The following NKAIN3 variants were observed in gnomAD, a reference collection of about 807,000 sequenced individuals.
NKAIN3 encodes the protein sodium/potassium-transporting ATPase subunit beta-1-interacting protein 3.
NKAIN3 carries 25 observed loss-of-function variants against 30.2 expected under a neutral mutation model. That is an observed-to-expected ratio of 0.83 (90% CI 0.60 to 1.16). The LOEUF (loss-of-function observed/expected upper bound fraction) is 1.16. Among genes scored for constraint, NKAIN3 ranks in the 50% most tolerant of loss-of-function variants. NKAIN3 has a pLI of 0.00. For missense variants in NKAIN3, 225 were observed against 254.1 expected (o/e 0.89, Z 0.78); for synonymous variants, 91 against 89.6 (o/e 1.02, Z -0.09).
chr8:62,743,600 G>T (rs1285112223), intron 3 of NKAIN3, among the ~76,000 whole-genome samples: 3 of 152,188 alleles, frequency 2.0e-5, no homozygotes, highest in Non-Finnish European at 2.9e-5. Flanking sequence ...ACAGACTCAG[G>T]CATGGTGGCT....
chr8:62,297,026 G>A (rs1020795272), intron 1 of NKAIN3, among the ~76,000 whole-genome samples: 1 of 152,186 alleles, frequency 6.6e-6, no homozygotes, highest in Middle Eastern at 3.4e-3. Flanking sequence ...GCTCTGCAAT[G>A]CATTTGCTTT....
chr8:62,290,221 G>T (rs1159114123), intron 1 of NKAIN3, among the ~76,000 whole-genome samples: 1 of 152,104 alleles, frequency 6.6e-6, no homozygotes, highest in Non-Finnish European at 1.5e-5. Flanking sequence ...TTTCCTAATT[G>T]CATATCCTTT....
chr8:62,425,558 T>C (rs1191643517), intron 1 of NKAIN3, among the ~76,000 whole-genome samples: 1 of 151,808 alleles, frequency 6.6e-6, no homozygotes, highest in Non-Finnish European at 1.5e-5. Flanking sequence ...TAAATAAGGG[T>C]CTTGTGGAAT....
intron 1 of NKAIN3, among the ~76,000 whole-genome samples, chr8:62,525,906 A>G (rs1426514205): frequency 6.6e-6 from 1 of 152,186 alleles, no homozygotes; most frequent in Non-Finnish European, 1.5e-5. Flanking sequence ...CCATGATTAC[A>G]TGGTCTTTTC....
intron 1 of NKAIN3, among the ~76,000 whole-genome samples, chr8:62,475,725 G>A (rs571807719): frequency 9.9e-5 from 15 of 152,266 alleles, no homozygotes; most frequent in Admixed American, 4.6e-4. Context: ...AGCTCCAAAG[G>A]CACATGTTTA....
intron 1 of NKAIN3, among the ~76,000 whole-genome samples, chr8:62,503,617 C>T (rs538214376): frequency 7.9e-5 from 12 of 152,008 alleles, no homozygotes; most frequent in African/African-American, 2.9e-4. Context: ...CCAGAGCAGC[C>T]GTCTATGGAC....
chr8:62,910,758 T>TC (rs982955586), intron 4 of NKAIN3, among the ~76,000 whole-genome samples: 1 of 151,930 alleles, frequency 6.6e-6, no homozygotes, highest in Admixed American at 6.6e-5. Flanking sequence ...GACAGGATTT[T>TC]TTTTTTTTTC....
chr8:62,938,840 G>C (rs886301472), intron 5 of NKAIN3, among the ~76,000 whole-genome samples: 1 of 152,078 alleles, frequency 6.6e-6, no homozygotes, highest in Non-Finnish European at 1.5e-5. Context: ...GACAAAACAA[G>C]GTTCTTTAAC....
intron 1 of NKAIN3, among the ~76,000 whole-genome samples, chr8:62,475,897 C>G (rs1348749818): frequency 1.3e-5 from 2 of 152,140 alleles, no homozygotes; most frequent in Non-Finnish European, 2.9e-5. Flanking sequence ...AGGATGGGGT[C>G]AGATTACAGC....
At chr8:62,838,944 T>A (rs2130756689) in intron 4 of NKAIN3, among the ~76,000 whole-genome samples, 1 of 152,212 alleles carries the variant, frequency 6.6e-6, no homozygotes, top group Non-Finnish European at 1.5e-5. Flanking sequence ...CACACCAGCG[T>A]CATCTCCCAT....
intron 4 of NKAIN3, among the ~76,000 whole-genome samples, chr8:62,843,177 G>T (rs1819580398): frequency 6.6e-6 from 1 of 151,860 alleles, no homozygotes; most frequent in African/African-American, 2.4e-5. Context: ...GTTGGTTGTT[G>T]CTGGCTTTGT....
chr8:62,330,231 G>C (rs907945008), intron 1 of NKAIN3, among the ~76,000 whole-genome samples: 1 of 151,866 alleles, frequency 6.6e-6, no homozygotes, highest in Non-Finnish European at 1.5e-5. Context: ...AGGATGGGGG[G>C]GTGAGCTGGG....
At chr8:62,509,881 AAAT>A (rs971575784) in intron 1 of NKAIN3, among the ~76,000 whole-genome samples, 35 of 152,150 alleles carry the variant, frequency 2.3e-4, no homozygotes, top group African/African-American at 8.0e-4. Flanking sequence ...AGGTGCAGGG[AAAT>A]AATAATAATT....
intron 3 of NKAIN3, among the ~76,000 whole-genome samples, chr8:62,666,078 G>T (rs1179935860): frequency 6.6e-6 from 1 of 152,028 alleles, no homozygotes; most frequent in Non-Finnish European, 1.5e-5. Flanking sequence ...GCTGGGCGTG[G>T]TGGTGGGCGC....
intron 1 of NKAIN3, among the ~76,000 whole-genome samples, chr8:62,328,809 G>C (rs1815236770): frequency 6.6e-6 from 1 of 151,938 alleles, no homozygotes; most frequent in Non-Finnish European, 1.5e-5. Flanking sequence ...TTGCACTGCT[G>C]TGCATTGGTG....
chr8:62,260,853 G>A (rs780546707), intron 1 of NKAIN3, among the ~76,000 whole-genome samples: 9 of 152,062 alleles, frequency 5.9e-5, no homozygotes, highest in South Asian at 2.1e-4. Context: ...GCAATATACT[G>A]TTATCTCTGC....
At chr8:62,294,386 T>C (rs1429279734) in intron 1 of NKAIN3, among the ~76,000 whole-genome samples, 2 of 152,204 alleles carry the variant, frequency 1.3e-5, no homozygotes, top group Non-Finnish European at 2.9e-5. Flanking sequence ...CGAAAATATG[T>C]ATTGACATGA....
intron 1 of NKAIN3, among the ~76,000 whole-genome samples, chr8:62,464,683 C>T (rs149461813): frequency 4.7e-4 from 72 of 152,248 alleles, no homozygotes; most frequent in African/African-American, 1.6e-3. Context: ...TCAAGTATAA[C>T]GGTTTTTGAA....
At chr8:62,473,315 G>A (rs1003656508) in intron 1 of NKAIN3, 4 of 152,072 alleles carry the variant, frequency 2.6e-5, no homozygotes, top group South Asian at 4.1e-4. Context: ...ATTTTTACAC[G>A]ATCATTTATC....
Sources: gnomAD v4.1 joint callset for allele counts (sites outside exome capture counted in the v4.1 genomes callset) on GRCh38, gnomAD v4.1.1 for gene constraint, MANE v1.5 for transcripts, NCBI Gene and HGNC (gene_info 2026-07-23, HGNC 2026-07-21) for gene names.